Variants in TMEM87A observed in about 807,000 individuals in gnomAD.
The protein encoded by TMEM87A is Golgi-pH regulating cation channel.
Under a neutral mutation model 90.0 loss-of-function variants are expected in TMEM87A, and 50 were observed. That is an observed-to-expected ratio of 0.56 (90% CI 0.44 to 0.70). The LOEUF (loss-of-function observed/expected upper bound fraction) is 0.70. Ranked by LOEUF, TMEM87A falls within the 30% of genes least tolerant of loss-of-function variation. TMEM87A has a pLI of 0.00. For missense variants in TMEM87A, 577 were observed against 660.5 expected (o/e 0.87, Z 1.39); for synonymous variants, 226 against 226.7 (o/e 1.00, Z 0.03).
chr15:42,268,726 GCACA>G (rs2051454580), intron 2 of TMEM87A, among the ~76,000 whole-genome samples: 2 of 152,080 alleles, frequency 1.3e-5, no homozygotes, highest in South Asian at 2.1e-4. Context: ...AGGTATAATG[GCACA>G]CTGTTAGGCT....
chr15:42,220,197 T>C (rs2050451977), intron 15 of TMEM87A, 62 bp from the exon 16 acceptor site: 1 of 1,274,336 alleles, frequency 7.8e-7, no homozygotes, highest in South Asian at 1.3e-5. Context: ...GCTATACCAG[T>C]TGCATTTTAC....
chr15:42,257,715 T>C (rs57933952), intron 6 of TMEM87A, among the ~76,000 whole-genome samples: 20,172 of 152,094 alleles, frequency 0.13, 2,138 homozygotes, highest in African/African-American at 0.27. Context: ...CATAACTTTA[T>C]CCATAATAGG....
At chr15:42,247,202 G>T (rs998115638) in intron 6 of TMEM87A, among the ~76,000 whole-genome samples, 1 of 152,170 alleles carries the variant, frequency 6.6e-6, no homozygotes, top group Non-Finnish European at 1.5e-5. Flanking sequence ...CCCTTTGTCG[G>T]ATGGGTGAAT....
chr15:42,239,982 T>C lies in TMEM87A; in HGVS notation c.623-251A>G, dbSNP rs1357426135. Among the ~76,000 whole-genome samples, 5 of 152,170 alleles carry C rather than the reference T, an allele frequency of 3.3e-5. No homozygotes were observed. The East Asian group carries it at 9.6e-4, about 29-fold the overall frequency. On this transcript the variant is annotated intron_variant, in intron 7 of 19. Coordinates refer to ENST00000389834, the MANE Select transcript of TMEM87A (RefSeq NM_015497.5). ...AGTCTGAAGTGGGAAGGCTCTTTTGTTTCCATACTCACATCTTAAAAAAGA... is the reference window on the plus strand; with the variant it reads ...AGTCTGAAGTGGGAAGGCTCTTTTGCTTCCATACTCACATCTTAAAAAAGA...
rs1296980956 is a variant in TMEM87A, at chr15:42,257,941, C to A, written c.504+3017G>T. On this transcript the variant is annotated intron_variant, in intron 6 of 19. Coordinates refer to ENST00000389834, the MANE Select transcript of TMEM87A (RefSeq NM_015497.5). ...CACCAAACTGCTAAAACTATTAGAA[C>A]ATAAAATTACAAAGGATTTTTACTT... The A allele has an allele frequency of 4.1e-6, 4 of 983,656 alleles. No homozygotes were observed. In the African/African-American group the frequency reaches 7.0e-5, roughly 17 times the overall value. 60.9% of individuals were successfully genotyped at this position (983,656 alleles called of 1,614,324 possible).
intron 13 of TMEM87A, among the ~76,000 whole-genome samples, chr15:42,228,228 T>C (rs1189498550): frequency 6.6e-6 from 1 of 152,206 alleles, no homozygotes; most frequent in Non-Finnish European, 1.5e-5. Flanking sequence ...CAGACCTCAC[T>C]ATTCCTGGTA....
chr15:42,226,186 G>C (rs1678990), intron 15 of TMEM87A, among the ~76,000 whole-genome samples: 142,654 of 152,092 alleles, frequency 0.94, 67,363 homozygotes, highest in Non-Finnish European at 1. Context: ...TTTTAGTAGA[G>C]ACGGGGTTCC....
At chr15:42,254,059 T>A (rs1019418099) in intron 6 of TMEM87A, among the ~76,000 whole-genome samples, 2 of 152,090 alleles carry the variant, frequency 1.3e-5, no homozygotes, top group Non-Finnish European at 2.9e-5. Flanking sequence ...TTTCTTTTTT[T>A]TTTTCTCTTT....
At chr15:42,236,522 G>A (rs1317691104) in intron 9 of TMEM87A, 103 bp from the exon 10 acceptor site, 2 of 929,192 alleles carry the variant, frequency 2.2e-6, no homozygotes, top group Non-Finnish European at 3.5e-6. Flanking sequence ...AATAAGCATT[G>A]ATATTAGTCC....
chr15:42,269,950 A>T (rs1463005476), intron 2 of TMEM87A, among the ~76,000 whole-genome samples: 2 of 151,446 alleles, frequency 1.3e-5, no homozygotes, highest in Non-Finnish European at 3.0e-5. Flanking sequence ...CTCAAAAAAA[A>T]AAAAAAAAAA....
At chr15:42,215,465 T>C (rs1258364111) in intron 19 of TMEM87A, among the ~76,000 whole-genome samples, 1 of 152,204 alleles carries the variant, frequency 6.6e-6, no homozygotes, top group African/African-American at 2.4e-5. Flanking sequence ...TGTGGTCCGT[T>C]GCTGACTGAA....
At chr15:42,247,445 T>A (rs1214974918) in intron 6 of TMEM87A, among the ~76,000 whole-genome samples, 1 of 152,210 alleles carries the variant, frequency 6.6e-6, no homozygotes, top group African/African-American at 2.4e-5. Context: ...CTTTAATCCA[T>A]CTTGAATTAA....
rs777285167 is a variant in TMEM87A, at chr15:42,272,131, C to T, written c.145-8G>A. ...ACTAAAATAATTTTTCCCCTGCAAACATAAAGGAAAGATAATTAGCCTCAG... is the reference window on the plus strand; with the variant it reads ...ACTAAAATAATTTTTCCCCTGCAAATATAAAGGAAAGATAATTAGCCTCAG... On this transcript the variant is annotated splice_polypyrimidine_tract_variant and splice_region_variant and intron_variant, in intron 1 of 19. Transcript: ENST00000389834. 5 of 1,600,752 alleles carry T rather than the reference C, an allele frequency of 3.1e-6. No homozygotes were observed. Among genetic ancestry groups the T allele is most frequent in the Non-Finnish European group, 4.3e-6 (5 of 1,172,458 alleles).
chr15:42,225,624 C>T (rs1052496766), intron 15 of TMEM87A, among the ~76,000 whole-genome samples: 2 of 152,102 alleles, frequency 1.3e-5, no homozygotes, highest in Admixed American at 1.3e-4. Context: ...CCTCTGTCTC[C>T]GGGTTCAAGC....
intron 6 of TMEM87A, among the ~76,000 whole-genome samples, chr15:42,246,974 C>A (rs1224511919): frequency 6.6e-6 from 1 of 152,134 alleles, no homozygotes; most frequent in Non-Finnish European, 1.5e-5. Context: ...TGACTTTTTA[C>A]TGATCACCAT....
chr15:42,243,289 TAAATAAATAAATAAATAAATAAATAAAA>T (rs1231029150), intron 7 of TMEM87A, among the ~76,000 whole-genome samples: 2 of 79,854 alleles, frequency 2.5e-5, no homozygotes, highest in South Asian at 4.6e-4. Flanking sequence ...AATAAATAAA[TAAATAAATAAATAAATAAATAAATAAAA>T]AAAAAGAAAG....
chr15:42,268,555 T>C (rs2051450963), intron 2 of TMEM87A, among the ~76,000 whole-genome samples: 2 of 151,922 alleles, frequency 1.3e-5, no homozygotes, highest in South Asian at 4.2e-4. Flanking sequence ...TAGTCCCAGC[T>C]ACTCAGGCAA....
chr15:42,232,768 A>C (rs747234352), intron 11 of TMEM87A: 35 of 153,006 alleles, frequency 2.3e-4, no homozygotes, highest in Non-Finnish European at 3.8e-4. Context: ...AGGCATGATT[A>C]CACACCCAGC....
chr15:42,267,825 G>T, intron 3 of TMEM87A, 122 bp downstream of exon 3: 2 of 635,458 alleles, frequency 3.1e-6, no homozygotes, highest in Non-Finnish European at 5.0e-6. Context: ...TGGGAAGCAT[G>T]CATTCTAGTT....
Sources: gnomAD v4.1 joint callset for allele counts (sites outside exome capture counted in the v4.1 genomes callset) on GRCh38, gnomAD v4.1.1 for gene constraint, MANE v1.5 for transcripts, NCBI Gene and HGNC (gene_info 2026-07-23, HGNC 2026-07-21) for gene names.